TFDP2: variants seen among roughly 807,000 people sequenced by gnomAD.
TFDP2 encodes the protein transcription factor Dp-2 (E2F dimerization partner 2).
In TFDP2, 17 loss-of-function variants were observed where a neutral mutation model predicts 59.3. The observed-to-expected ratio is 0.29, with a 90% confidence interval of 0.20 to 0.43. TFDP2 has a LOEUF of 0.43. Among genes scored for constraint, TFDP2 ranks in the 20% least tolerant of loss-of-function variants. The pLI is 1.00. For synonymous variants in TFDP2, 180 were observed against 194.7 expected, an observed-to-expected ratio of 0.92 and a Z score of 0.63; for missense variants, 391 against 528.8, an observed-to-expected ratio of 0.74 and a Z score of 2.56.
intron 1 of TFDP2, among the ~76,000 whole-genome samples, chr3:142,139,486 T>G (rs182500400): frequency 1.0e-3 from 152 of 152,278 alleles, no homozygotes; most frequent in African/African-American, 3.6e-3. Flanking sequence ...ATTTGGCATG[T>G]TTTTGCAGTG....
chr3:142,079,914 G>A (rs774854411), intron 3 of TFDP2, among the ~76,000 whole-genome samples: 7 of 152,124 alleles, frequency 4.6e-5, no homozygotes, highest in Non-Finnish European at 1.0e-4. Context: ...CAATCTAAAA[G>A]AAAAGGATGT....
chr3:142,081,937 C>G (rs772999019), intron 3 of TFDP2, among the ~76,000 whole-genome samples: 1 of 152,194 alleles, frequency 6.6e-6, no homozygotes, highest in Non-Finnish European at 1.5e-5. Context: ...TCAAACTATT[C>G]CAAAAAGTAC....
intron 3 of TFDP2, among the ~76,000 whole-genome samples, chr3:142,075,899 C>G (rs1319534468): frequency 8.5e-6 from 1 of 117,608 alleles, no homozygotes; most frequent in African/African-American, 4.1e-5. Context: ...AGAGCCAGAA[C>G]CTGCCTCAAA....
At position 142,141,771 on chromosome 3, in the gene TFDP2, C is replaced by T. The variant is rs142800815; in HGVS notation, c.-93+7412G>A. On this transcript the variant is annotated intron_variant, in intron 1 of 12. Transcript: ENST00000489671. The stretch of plus-strand genomic sequence containing the variant: ...CCGGGAGTCGGAGGTTGCAGTGAGC[C>T]GATATCATGCCACTGCACTCCAGCC... 2.5e-3 allele frequency among the ~76,000 whole-genome samples: 374 copies of T among 151,442 alleles called. 1 individual carries two copies. The highest frequency in any genetic ancestry group is 4.0e-3 in the Non-Finnish European group (273 of 67,914).
intron 4 of TFDP2, among the ~76,000 whole-genome samples, chr3:141,996,701 T>C (rs2063453): frequency 0.12 from 17,520 of 152,200 alleles, 1,220 homozygotes; most frequent in East Asian, 0.18. Context: ...AGCATAAAAA[T>C]AGTTCAGACC....
At chr3:142,136,130 G>C (rs1011926014) in intron 1 of TFDP2, among the ~76,000 whole-genome samples, 4 of 152,016 alleles carry the variant, frequency 2.6e-5, no homozygotes, top group East Asian at 3.9e-4. Flanking sequence ...TTGTGGTTTT[G>C]ATTTGCATTT....
intron 8 of TFDP2, among the ~76,000 whole-genome samples, chr3:141,972,380 CAG>C (rs952954022): frequency 1.3e-5 from 2 of 152,208 alleles, no homozygotes; most frequent in African/African-American, 4.8e-5. Context: ...AACCCACTGG[CAG>C]AGTGATCCTT....
intron 3 of TFDP2, among the ~76,000 whole-genome samples, chr3:142,046,762 C>T (rs1310459706): frequency 6.6e-6 from 1 of 152,168 alleles, no homozygotes; most frequent in Non-Finnish European, 1.5e-5. Context: ...TTGCCTGGCA[C>T]ATTTTAATCT....
intron 3 of TFDP2, among the ~76,000 whole-genome samples, chr3:142,059,159 CAT>C (rs1427848785): frequency 6.6e-6 from 1 of 152,170 alleles, no homozygotes; most frequent in African/African-American, 2.4e-5. Context: ...CAGTAGCAGT[CAT>C]AGATATGCTT....
At chr3:142,117,082 T>C (rs1218171970) in intron 1 of TFDP2, among the ~76,000 whole-genome samples, 3 of 152,060 alleles carry the variant, frequency 2.0e-5, no homozygotes, top group African/African-American at 7.2e-5. Flanking sequence ...CCACCACCCC[T>C]GGCTAATTTG....
chr3:142,093,888 G>A, intron 2 of TFDP2: 1 of 448,924 alleles, frequency 2.2e-6, no homozygotes, highest in Non-Finnish European at 4.4e-6. Flanking sequence ...AAGACTAAAT[G>A]AGATAATTCA....
chr3:142,141,816 CTG>C (rs2062973870), intron 1 of TFDP2, among the ~76,000 whole-genome samples: 1 of 151,136 alleles, frequency 6.6e-6, no homozygotes, highest in Non-Finnish European at 1.5e-5. Context: ...GAGCAAGACT[CTG>C]TCTCAAGAAA....
intron 1 of TFDP2, among the ~76,000 whole-genome samples, chr3:142,129,104 G>A (rs938407163): frequency 6.6e-6 from 1 of 151,924 alleles, no homozygotes; most frequent in Admixed American, 6.6e-5. Context: ...AAGTAGACAA[G>A]GCCTCAGAAA....
chr3:141,967,288 GTTTTTTGTTTT>G (rs1938247404), intron 9 of TFDP2, among the ~76,000 whole-genome samples: 1 of 145,314 alleles, frequency 6.9e-6, no homozygotes, highest in Non-Finnish European at 1.5e-5. Flanking sequence ...GAGGAAATAA[GTTTTTTGTTTT>G]TTTTTTTTTT....
At chr3:142,114,144 G>A (rs113407286) in intron 1 of TFDP2, among the ~76,000 whole-genome samples, 12,890 of 149,848 alleles carry the variant, frequency 0.086, 682 homozygotes, top group Middle Eastern at 0.14. Context: ...CAGCCCGGGC[G>A]ACAAAGCGAG....
intron 1 of TFDP2, among the ~76,000 whole-genome samples, chr3:142,119,434 G>A (rs1007252490): frequency 1.3e-5 from 2 of 152,016 alleles, no homozygotes; most frequent in Non-Finnish European, 2.9e-5. Flanking sequence ...GAAACTTAAG[G>A]GAAAAAAATG....
Position 141,952,506 on chromosome 3 carries a change from CTT to C in TFDP2, c.*5_*6del, listed in dbSNP as rs780365800. ...TCACATATTGAAACGTAGGCTTTCTCTTGTCTTTATTCTGGGGAGGAGGAATC... is the reference window on the plus strand; with the variant it reads ...TCACATATTGAAACGTAGGCTTTCTCGTCTTTATTCTGGGGAGGAGGAATC... On this transcript the variant is annotated 3_prime_UTR_variant, in exon 13 of 13. Transcript: ENST00000489671. 6 of 1,523,090 alleles carry C rather than the reference CTT, an allele frequency of 3.9e-6. No homozygotes were observed. The African/African-American group carries it at 4.2e-5, about 11-fold the overall frequency. The allele number at this position is 1,523,090 out of a possible 1,614,324, so 94.3% of individuals were successfully genotyped here.
chr3:142,046,942 T>C (rs912043197), intron 3 of TFDP2, among the ~76,000 whole-genome samples: 12 of 152,156 alleles, frequency 7.9e-5, no homozygotes, highest in African/African-American at 2.7e-4. Flanking sequence ...TAGCACACAT[T>C]CAACCTGGGA....
In TFDP2 at chr3:141,971,073, A is replaced by G. The variant is rs1346659288; in HGVS notation, c.664-932T>C. On this transcript the variant is annotated intron_variant, in intron 8 of 12. Transcript: ENST00000489671. The stretch of plus-strand genomic sequence containing the variant: ...ACCCTGTCTCAAAAAGAAAAAAAAA[A>G]AAAGAAACATGCTTATTGGACAAAT... Among the ~76,000 whole-genome samples, 6 of 152,048 alleles carry G rather than the reference A, an allele frequency of 3.9e-5. No homozygotes were observed. In the South Asian group the frequency reaches 1.2e-3, roughly 32 times the overall value.
Sources: gnomAD v4.1 joint callset for allele counts (sites outside exome capture counted in the v4.1 genomes callset) on GRCh38, gnomAD v4.1.1 for gene constraint, MANE v1.5 for transcripts, NCBI Gene and HGNC (gene_info 2026-07-23, HGNC 2026-07-21) for gene names.